The following GRID2 variants were observed in gnomAD, a reference collection of about 807,000 sequenced individuals.
GRID2 encodes the protein glutamate receptor ionotropic, delta-2.
Under a neutral mutation model 114.8 loss-of-function variants are expected in GRID2, and 33 were observed. The observed-to-expected ratio is 0.29, with a 90% CI of 0.22 to 0.38. The LOEUF is 0.38. GRID2 is among the 10% of genes least tolerant of loss of function. The pLI is 1.00. For missense variants in GRID2, 1,184 were observed against 1,257.7 expected (o/e 0.94, Z 0.89); for synonymous variants, 505 against 449.9 (o/e 1.12, Z -1.55).
intron 13 of GRID2, among the ~76,000 whole-genome samples, chr4:93,590,687 G>C (rs1188109209): frequency 6.6e-6 from 1 of 152,184 alleles, no homozygotes; most frequent in African/African-American, 2.4e-5. Flanking sequence ...CTACCCATGA[G>C]CATGGAATGT....
At position 92,816,468 on chromosome 4, in the gene GRID2, A is replaced by G. The variant is rs1164162729; in HGVS notation, c.244+226182A>G. The stretch of plus-strand genomic sequence containing the variant: ...CATTAATGCATGTTTCCTTGTTTTC[A>G]GGTTTATGTATACTGATTGTCTGTT... On this transcript the variant is annotated intron_variant, in intron 2 of 15. Coordinates refer to ENST00000282020, the MANE Select transcript of GRID2 (RefSeq NM_001510.4). 2.0e-5 allele frequency among the ~76,000 whole-genome samples: 3 copies of G among 151,938 alleles called. No individual in the cohort carries two copies. The East Asian group carries it at 5.8e-4, about 29-fold the overall frequency.
At chr4:92,450,385 A>T (rs1020481330) in intron 1 of GRID2, among the ~76,000 whole-genome samples, 1 of 152,098 alleles carries the variant, frequency 6.6e-6, no homozygotes, top group Non-Finnish European at 1.5e-5. Flanking sequence ...TCAAATGATA[A>T]GACCTCGAAG....
intron 1 of GRID2, among the ~76,000 whole-genome samples, chr4:92,314,518 A>G (rs1725869417): frequency 6.6e-6 from 1 of 152,124 alleles, no homozygotes; most frequent in South Asian, 2.1e-4. Flanking sequence ...AAAAGGATAT[A>G]TGTGTTGAGG....
chr4:92,968,599 AT>A (rs1753303255), intron 2 of GRID2, among the ~76,000 whole-genome samples: 1 of 151,916 alleles, frequency 6.6e-6, no homozygotes, highest in African/African-American at 2.4e-5. Flanking sequence ...TATGGAGGTA[AT>A]TTAGAAAACT....
intron 11 of GRID2, among the ~76,000 whole-genome samples, chr4:93,487,387 T>G (rs1726519950): frequency 6.6e-6 from 1 of 151,938 alleles, no homozygotes; most frequent in African/African-American, 2.4e-5. Flanking sequence ...AATACTTTTC[T>G]TATACATTGC....
At chr4:92,315,023 G>T (rs1725895001) in intron 1 of GRID2, among the ~76,000 whole-genome samples, 1 of 152,048 alleles carries the variant, frequency 6.6e-6, no homozygotes, top group African/African-American at 2.4e-5. Flanking sequence ...GTCATAGGTG[G>T]ACATGAGGAA....
chr4:92,881,102 CA>C (rs1237620444), intron 2 of GRID2, among the ~76,000 whole-genome samples: 1 of 152,114 alleles, frequency 6.6e-6, no homozygotes, highest in Non-Finnish European at 1.5e-5. Flanking sequence ...AGGGTTTCGC[CA>C]AGTTGGCCAG....
At chr4:93,326,911 T>C (rs1757896367) in intron 8 of GRID2, among the ~76,000 whole-genome samples, 1 of 152,234 alleles carries the variant, frequency 6.6e-6, no homozygotes, top group Admixed American at 6.5e-5. Flanking sequence ...GTTTTACTTA[T>C]GATATACAGA....
At chr4:93,031,227 G>C (rs897736691) in intron 2 of GRID2, among the ~76,000 whole-genome samples, 10 of 151,728 alleles carry the variant, frequency 6.6e-5, no homozygotes, top group Admixed American at 5.9e-4. Flanking sequence ...TATATTTTTA[G>C]TAGAGACTGG....
intron 12 of GRID2, among the ~76,000 whole-genome samples, chr4:93,504,256 A>G (rs1728415598): frequency 6.6e-6 from 1 of 152,048 alleles, no homozygotes; most frequent in Non-Finnish European, 1.5e-5. Context: ...TTCATGTAGT[A>G]TTATTATGTA....
chr4:93,497,937 G>A (rs1435663330), intron 12 of GRID2, among the ~76,000 whole-genome samples: 1 of 151,756 alleles, frequency 6.6e-6, no homozygotes, highest in East Asian at 1.9e-4. Flanking sequence ...TTAATATGAT[G>A]AGTCTTCTGA....
intron 2 of GRID2, among the ~76,000 whole-genome samples, chr4:92,731,512 T>C (rs1352266857): frequency 3.9e-5 from 6 of 152,034 alleles, no homozygotes; most frequent in African/African-American, 1.4e-4. Flanking sequence ...GAACAATACC[T>C]TTATTTTAAA....
intron 1 of GRID2, among the ~76,000 whole-genome samples, chr4:92,548,037 A>C (rs1213314043): frequency 6.6e-6 from 1 of 152,198 alleles, no homozygotes; most frequent in African/African-American, 2.4e-5. Flanking sequence ...GTAGGCAACA[A>C]TAATGATAAA....
chr4:92,520,190 T>G (rs1724694775), intron 1 of GRID2, among the ~76,000 whole-genome samples: 1 of 151,858 alleles, frequency 6.6e-6, no homozygotes, highest in Non-Finnish European at 1.5e-5. Flanking sequence ...CAGTTGAAAA[T>G]GTACTAAACC....
At chr4:93,596,452 C>T (rs1333941585) in intron 13 of GRID2, among the ~76,000 whole-genome samples, 2 of 152,100 alleles carry the variant, frequency 1.3e-5, no homozygotes, top group Non-Finnish European at 2.9e-5. Context: ...GTGGCAGGCG[C>T]CTGTAGTCCC....
chr4:93,662,120 A>G (rs1011116949), intron 14 of GRID2, among the ~76,000 whole-genome samples: 4 of 152,152 alleles, frequency 2.6e-5, no homozygotes, highest in Admixed American at 2.6e-4. Context: ...ACTTCTGCCT[A>G]AAAAGCTCTT....
chr4:93,689,400 T>A (rs747664262), intron 14 of GRID2, among the ~76,000 whole-genome samples: 1 of 152,056 alleles, frequency 6.6e-6, no homozygotes, highest in Non-Finnish European at 1.5e-5. Context: ...AATTCAGTTG[T>A]GCCAAAGTCC....
chr4:93,120,057 T>A (rs1198312232), intron 4 of GRID2, among the ~76,000 whole-genome samples: 1 of 152,176 alleles, frequency 6.6e-6, no homozygotes, highest in Non-Finnish European at 1.5e-5. Context: ...TACCATCTCA[T>A]GCCAGTTAGA....
intron 2 of GRID2, among the ~76,000 whole-genome samples, chr4:93,003,882 A>T (rs1009036417): frequency 6.6e-6 from 1 of 151,952 alleles, no homozygotes; most frequent in African/African-American, 2.4e-5. Context: ...GGACTTTACA[A>T]TTGTGAAATT....
Sources: allele counts gnomAD v4.1 joint callset (sites outside exome capture counted in the v4.1 genomes callset), GRCh38; gene constraint gnomAD v4.1.1; transcripts MANE v1.5; gene names NCBI Gene and HGNC (gene_info 2026-07-23, HGNC 2026-07-21).